RSPH9: variants seen among roughly 807,000 people sequenced by gnomAD.
RSPH9 encodes the protein radial spoke head component 9.
Under a neutral mutation model 27.0 loss-of-function variants are expected in RSPH9, and 27 were observed. The observed-to-expected ratio is 1.00, with a 90% CI of 0.74 to 1.38. The LOEUF (loss-of-function observed/expected upper bound fraction) is 1.38, where lower values mean the gene tolerates loss of function less well. Ranked by LOEUF, RSPH9 falls within the 40% of genes most tolerant of loss-of-function variation. The pLI is 0.00. For synonymous variants in RSPH9, 145 were observed against 147.7 expected (o/e 0.98, Z 0.13); for missense variants, 347 against 357.4 (o/e 0.97, Z 0.24).
At chr6:43,656,042 CTTTCCCTTCTTT>C (rs1561940211) in intron 3 of RSPH9, among the ~76,000 whole-genome samples, 90 of 72,402 alleles carry the variant, frequency 1.2e-3, no homozygotes, top group Non-Finnish European at 2.1e-3. Flanking sequence ...CCTTCCCCTT[CTTTCCCTTCTTT>C]CCCTTCTTTC....
intron 2 of RSPH9, among the ~76,000 whole-genome samples, chr6:43,655,094 G>T (rs1771865817): frequency 6.6e-6 from 1 of 152,194 alleles, no homozygotes; most frequent in South Asian, 2.1e-4. Context: ...TTATCTTTAG[G>T]AGGTAGGATT....
At chr6:43,662,766 A>C (rs986576286) in intron 4 of RSPH9, among the ~76,000 whole-genome samples, 2 of 152,120 alleles carry the variant, frequency 1.3e-5, no homozygotes, top group African/African-American at 4.8e-5. Flanking sequence ...TGTTTGGTAT[A>C]AGAGGCCTAT....
At chr6:43,654,978 C>T (rs756680210) in intron 2 of RSPH9, among the ~76,000 whole-genome samples, 2 of 151,812 alleles carry the variant, frequency 1.3e-5, no homozygotes, top group South Asian at 4.2e-4. Context: ...GTGCCACTGC[C>T]CTCCAGCCTG....
At chr6:43,660,492 C>G (rs941697441) in intron 4 of RSPH9, among the ~76,000 whole-genome samples, 1 of 151,924 alleles carries the variant, frequency 6.6e-6, no homozygotes, top group Admixed American at 6.6e-5. Flanking sequence ...GAGACAGAGT[C>G]TTGCTCTGTC....
chr6:43,652,200 G>T (rs574798438), intron 2 of RSPH9, among the ~76,000 whole-genome samples: 3 of 151,326 alleles, frequency 2.0e-5, no homozygotes, highest in African/African-American at 7.3e-5. Context: ...CAGCTACTCG[G>T]GAGGCTGAGG....
At chr6:43,669,468 T>A (rs1439437127) in intron 4 of RSPH9, among the ~76,000 whole-genome samples, 3 of 152,142 alleles carry the variant, frequency 2.0e-5, no homozygotes, top group Non-Finnish European at 4.4e-5. Flanking sequence ...CACTGAGTTG[T>A]GAGGCTGCAG....
At chr6:43,650,644 C>A in intron 2 of RSPH9, 104 bp downstream of exon 2, 1 of 1,214,062 alleles carries the variant, frequency 8.2e-7, no homozygotes, top group Non-Finnish European at 1.2e-6. Context: ...CGGTGGCTCA[C>A]GCCTGTAATC....
At chr6:43,650,254 G>A in intron 1 of RSPH9, 121 bp from the exon 2 acceptor site, 1 of 1,160,492 alleles carries the variant, frequency 8.6e-7, no homozygotes, top group Non-Finnish European at 1.3e-6. Context: ...AGCATTGGGA[G>A]GAAAGGTGGC....
chr6:43,652,193 C>G (rs941517309), intron 2 of RSPH9, among the ~76,000 whole-genome samples: 3 of 151,052 alleles, frequency 2.0e-5, no homozygotes, highest in African/African-American at 7.3e-5. Context: ...GTAGTCCCAG[C>G]TACTCGGGAG....
At chr6:43,647,359 C>A (rs6940641) in intron 1 of RSPH9, among the ~76,000 whole-genome samples, 5,377 of 152,176 alleles carry the variant, frequency 0.035, 331 homozygotes, top group African/African-American at 0.12. Context: ...CTGCTCCGAT[C>A]AGAGTGGGCA....
At chr6:43,664,762 C>G (rs867843203) in intron 4 of RSPH9, among the ~76,000 whole-genome samples, 1 of 152,134 alleles carries the variant, frequency 6.6e-6, no homozygotes, top group African/African-American at 2.4e-5. Flanking sequence ...TGAAGAGGGT[C>G]TATAGGGGTT....
chr6:43,661,625 T>A (rs1416175411), intron 4 of RSPH9, among the ~76,000 whole-genome samples: 2 of 130,298 alleles, frequency 1.5e-5, no homozygotes, highest in Non-Finnish European at 3.1e-5. Flanking sequence ...TGTGCCAATG[T>A]ACTCCAGCCT....
intron 4 of RSPH9, among the ~76,000 whole-genome samples, chr6:43,666,878 G>T (rs979805115): frequency 5.3e-5 from 8 of 152,180 alleles, no homozygotes; most frequent in African/African-American, 1.9e-4. Flanking sequence ...CTCCCAAGTA[G>T]CTGGGATTAC....
rs114701270 is a variant in RSPH9 at position 43,663,168 on chromosome 6, C to T, written c.670+6445C>T. 3.5e-4 allele frequency among the ~76,000 whole-genome samples: 54 copies of T among 152,164 alleles called. No individual in the cohort carries two copies. In the East Asian group the frequency reaches 6.6e-3, roughly 19 times the overall value. ...CTAGCTTTTGATTTAAAGTGAGAGG[C>T]GTGAGATTCTTCCTTTCACTTAACA... On this transcript the variant is annotated intron_variant, in intron 4 of 4. Coordinates refer to ENST00000372163, the MANE Select transcript of RSPH9 (RefSeq NM_152732.5).
intron 4 of RSPH9, among the ~76,000 whole-genome samples, chr6:43,659,613 A>G (rs1196894292): frequency 6.6e-6 from 1 of 151,292 alleles, no homozygotes; most frequent in African/African-American, 2.4e-5. Flanking sequence ...CAATCGCCTG[A>G]CCTCGTGATC....
intron 4 of RSPH9, among the ~76,000 whole-genome samples, chr6:43,670,198 C>T (rs148846143): frequency 6.6e-6 from 1 of 152,248 alleles, no homozygotes; most frequent in Non-Finnish European, 1.5e-5. Flanking sequence ...CCTCCTCCCC[C>T]ACTCAACCTT....
chr6:43,652,845 G>A (rs1263985957), intron 2 of RSPH9, among the ~76,000 whole-genome samples: 3 of 151,838 alleles, frequency 2.0e-5, no homozygotes, highest in Non-Finnish European at 2.9e-5. Context: ...TTGAGACAGA[G>A]TCTTGCTCTG....
At chr6:43,669,185 C>T (rs1446123306) in intron 4 of RSPH9, among the ~76,000 whole-genome samples, 1 of 152,190 alleles carries the variant, frequency 6.6e-6, no homozygotes, top group East Asian at 1.9e-4. Context: ...TGATGTTGTC[C>T]AGCAGGCACT....
At chr6:43,655,890 C>T (rs2127907439) in intron 3 of RSPH9, among the ~76,000 whole-genome samples, 199 bp downstream of exon 3, 1 of 152,284 alleles carries the variant, frequency 6.6e-6, no homozygotes, top group Middle Eastern at 3.4e-3. Context: ...GCCCCTGACT[C>T]TCTTCAGTTT....
Sources: allele counts gnomAD v4.1 joint callset (sites outside exome capture counted in the v4.1 genomes callset), GRCh38; gene constraint gnomAD v4.1.1; transcripts MANE v1.5; gene names NCBI Gene and HGNC (gene_info 2026-07-23, HGNC 2026-07-21).